MACROD1: variants seen among roughly 807,000 people sequenced by gnomAD.
MACROD1 encodes the protein ADP-ribose glycohydrolase MACROD1.
In MACROD1, 31 loss-of-function variants were observed where a neutral mutation model predicts 41.4. The ratio of observed to expected loss-of-function variants is 0.75; its 90% CI spans 0.56 to 1.01. The LOEUF is 1.01. Among genes scored for constraint, MACROD1 ranks in the 50% least tolerant of loss-of-function variants. MACROD1 has a pLI of 0.00. For synonymous variants in MACROD1, 252 were observed against 203.4 expected (o/e 1.24, Z -2.03); for missense variants, 473 against 460.0 (o/e 1.03, Z -0.26).
At chr11:64,000,161 T>C in intron 5 of MACROD1, 66 bp downstream of exon 5, 1 of 1,333,294 alleles carries the variant, frequency 7.5e-7, no homozygotes, top group Admixed American at 1.9e-5. Flanking sequence ...GCCGCACCCC[T>C]GATGTCCCAG....
intron 3 of MACROD1, among the ~76,000 whole-genome samples, chr11:64,026,506 G>A (rs895621843): frequency 6.6e-6 from 1 of 152,170 alleles, no homozygotes; most frequent in African/African-American, 2.4e-5. Context: ...ACTTAGGAGT[G>A]GGCTGCTGGG....
chr11:64,151,306 G>C lies in MACROD1; in HGVS notation c.450C>G (p.Leu150=), dbSNP rs769198351. 4.3e-6 allele frequency: 7 copies of C among 1,613,932 alleles called. No homozygotes were observed. The highest frequency in any genetic ancestry group is 1.3e-5 in the African/African-American group (1 of 75,054). Residue 150 remains leucine (L), a synonymous_variant, in exon 3 of 11, where the codon CTC becomes CTG. Transcript: ENST00000255681. The part of the protein sequence containing the change: ...EEPRYKKDKQ[L]NEKISLLRSD... Reference sequence around the variant, plus strand: ...TGCGGAGCAGGGAGATTTTCTCATTGAGCTGCTTGTCCTTTTTATACCTGG... The same window carrying C: ...TGCGGAGCAGGGAGATTTTCTCATTCAGCTGCTTGTCCTTTTTATACCTGG...
chr11:64,132,752 T>C (rs1300535243), intron 3 of MACROD1, among the ~76,000 whole-genome samples: 1 of 152,056 alleles, frequency 6.6e-6, no homozygotes, highest in Non-Finnish European at 1.5e-5. Context: ...TTAGGGGGGA[T>C]TTCCTGAAGG....
intron 3 of MACROD1, among the ~76,000 whole-genome samples, chr11:64,052,249 G>A (rs902971061): frequency 2.0e-5 from 3 of 152,052 alleles, no homozygotes; most frequent in Non-Finnish European, 4.4e-5. Flanking sequence ...AAGCATTGTC[G>A]GGGTGGGGGA....
intron 3 of MACROD1, among the ~76,000 whole-genome samples, chr11:64,056,033 T>G (rs956540682): frequency 6.6e-6 from 1 of 152,112 alleles, no homozygotes; most frequent in Non-Finnish European, 1.5e-5. Flanking sequence ...GGGAGCACAG[T>G]TTGTCCTCCC....
Position 64,088,751 on chromosome 11 carries a change from G to A in MACROD1, c.517+62488C>T, listed in dbSNP as rs571439117. ...TGTTTCCCCAGGTCACTAAGAGCAC[G>A]AGATGAACGACAGCAGACAGTAAGA... On this transcript the variant is annotated intron_variant, in intron 3 of 10. Transcript: ENST00000255681. Among the ~76,000 whole-genome samples the A allele has an allele frequency of 3.3e-5, 5 of 152,258 alleles. No homozygotes were observed. In the East Asian group the frequency reaches 9.6e-4, roughly 29 times the overall value.
intron 3 of MACROD1, among the ~76,000 whole-genome samples, chr11:64,148,487 G>A (rs547707783): frequency 5.3e-5 from 8 of 152,272 alleles, no homozygotes; most frequent in East Asian, 3.9e-4. Context: ...TGACGCCCGC[G>A]GGGCCAGCAC....
chr11:64,123,900 A>G (rs541995406), intron 3 of MACROD1, among the ~76,000 whole-genome samples: 4 of 152,334 alleles, frequency 2.6e-5, no homozygotes, highest in African/African-American at 9.6e-5. Flanking sequence ...TTCAAGCACT[A>G]GATGGGGACG....
chr11:64,110,545 C>T (rs186799993), intron 3 of MACROD1, among the ~76,000 whole-genome samples: 6 of 151,990 alleles, frequency 3.9e-5, no homozygotes, highest in Admixed American at 1.3e-4. Flanking sequence ...CAGGGGACAA[C>T]GACTGATAGA....
Position 64,165,851 on chromosome 11 carries a change from C to T in MACROD1, c.144G>A (p.Leu48=). ...TCCGCGCACGGCGGCCGAACACGCC[C>T]AGGAACGCCGGGGGACCGCACGTGC... The part of the protein sequence containing the change: ...RSSTCGPPAF[L]GVFGRRARTS... Residue 48 remains leucine (L), a synonymous_variant, in exon 1 of 11, where the codon CTG becomes CTA. Transcript: ENST00000255681. 6.8e-7 allele frequency: 1 copy of T among 1,469,136 alleles called. No individual in the cohort carries two copies. Among genetic ancestry groups the T allele is most frequent in the Non-Finnish European group, 9.0e-7 (1 of 1,111,982 alleles). 91.0% of individuals were successfully genotyped at this position (1,469,136 alleles called of 1,614,324 possible).
At chr11:64,098,893 A>G (rs1284709231) in intron 3 of MACROD1, among the ~76,000 whole-genome samples, 1 of 152,238 alleles carries the variant, frequency 6.6e-6, no homozygotes, top group East Asian at 1.9e-4. Context: ...TTAATGACAC[A>G]TACATAAAAA....
intron 3 of MACROD1, among the ~76,000 whole-genome samples, chr11:64,108,078 C>T (rs1944794643): frequency 6.6e-6 from 1 of 152,142 alleles, no homozygotes; most frequent in African/African-American, 2.4e-5. Flanking sequence ...CTTTGGGAGG[C>T]CGAGGCGGGC....
intron 3 of MACROD1, among the ~76,000 whole-genome samples, chr11:64,051,463 C>T (rs1943693737): frequency 2.6e-5 from 4 of 152,208 alleles, no homozygotes; most frequent in Admixed American, 2.6e-4. Flanking sequence ...CTGATTGAGT[C>T]TCATTGTTGT....
At chr11:64,038,608 T>A (rs1165622677) in intron 3 of MACROD1, among the ~76,000 whole-genome samples, 2 of 152,128 alleles carry the variant, frequency 1.3e-5, no homozygotes, top group East Asian at 3.9e-4. Context: ...CTCTGCCCAG[T>A]CATGGGGCTA....
chr11:64,037,355 G>A (rs1261196277), intron 3 of MACROD1, among the ~76,000 whole-genome samples: 1 of 151,940 alleles, frequency 6.6e-6, no homozygotes, highest in Non-Finnish European at 1.5e-5. Context: ...CAGCCGCCGC[G>A]CTCAGGGGCT....
Position 63,998,890 on chromosome 11 carries a change from G to T in MACROD1, c.974-18C>A, listed in dbSNP as rs767583014. ...GCCTCAGGCTGGAAGGCAGAGGACA[G>T]TGAGAGCCCGCCCCCAGGGTGGACC... is the stretch of plus-strand genomic sequence containing the variant. On this transcript the variant is annotated intron_variant, in intron 9 of 10. Coordinates refer to ENST00000255681, the MANE Select transcript of MACROD1 (RefSeq NM_014067.4). The T allele has an allele frequency of 6.3e-7, 1 of 1,595,510 alleles. No individual in the cohort carries two copies. The highest frequency in any genetic ancestry group is 2.2e-5 in the East Asian group (1 of 44,452).
In MACROD1 at chr11:64,165,984, T is replaced by C; in HGVS notation, c.11A>G (p.Gln4Arg). ...TGCCAGGCGGCCGGACAGTCGGCTC[T>C]GTAGAGACATGAGCGGGCGGCGCGG... is the stretch of plus-strand genomic sequence containing the variant. MSL[Q>R]SRLSGRLAQL... The change falls in exon 1 of 11, where the codon CAG becomes CGG. Residue 4 changes from glutamine (Q) to arginine (R), a missense_variant. Transcript: ENST00000255681. 1.6e-6 allele frequency: 2 copies of C among 1,274,594 alleles called. No individual in the cohort carries two copies. Among genetic ancestry groups the C allele is most frequent in the Non-Finnish European group, 2.0e-6 (2 of 1,014,742 alleles). 79.0% of individuals were successfully genotyped at this position (1,274,594 alleles called of 1,614,324 possible).
At chr11:64,136,446 A>AGCT (rs1160878994) in intron 3 of MACROD1, among the ~76,000 whole-genome samples, 6 of 152,018 alleles carry the variant, frequency 3.9e-5, no homozygotes, top group Non-Finnish European at 8.8e-5. Flanking sequence ...GGGCTGGGAG[A>AGCT]GCTGCTGGAT....
chr11:64,128,597 G>A (rs1945220540), intron 3 of MACROD1, among the ~76,000 whole-genome samples: 2 of 151,866 alleles, frequency 1.3e-5, no homozygotes, highest in Non-Finnish European at 1.5e-5. Context: ...CCCCACTCAG[G>A]AAGGCCCTGT....
Sources: gnomAD v4.1 joint callset for allele counts (sites outside exome capture counted in the v4.1 genomes callset) on GRCh38, gnomAD v4.1.1 for gene constraint, MANE v1.5 for transcripts, NCBI Gene and HGNC (gene_info 2026-07-23, HGNC 2026-07-21) for gene names.